Variants in TLL1 observed in about 807,000 individuals in gnomAD.
TLL1 encodes tolloid-like protein 1.
Under a neutral mutation model 128.2 loss-of-function variants are expected in TLL1, and 49 were observed. The observed-to-expected ratio is 0.38, with a 90% CI of 0.30 to 0.48. TLL1 has a LOEUF of 0.48. Among genes scored for constraint, TLL1 ranks in the 20% least tolerant of loss-of-function variants. The pLI is 0.96. For missense variants in TLL1, 1,123 were observed against 1,242.0 expected, an observed-to-expected ratio of 0.90 and a Z score of 1.44; for synonymous variants, 454 against 418.8, an observed-to-expected ratio of 1.08 and a Z score of -1.03.
intron 18 of TLL1, 41 bp from the exon 19 acceptor site, chr4:166,091,087 T>C: frequency 1.4e-6 from 2 of 1,418,836 alleles, no homozygotes; most frequent in South Asian, 1.2e-5. Context: ...TTTGAGTGAT[T>C]TGTTTTTTTT....
At chr4:166,022,103 A>G (rs1738267246) in intron 8 of TLL1, among the ~76,000 whole-genome samples, 1 of 152,118 alleles carries the variant, frequency 6.6e-6, no homozygotes, top group Admixed American at 6.5e-5. Flanking sequence ...AATAGTTTAA[A>G]TTTACCAACT....
intron 6 of TLL1, among the ~76,000 whole-genome samples, chr4:166,007,628 C>G (rs920745650): frequency 7.9e-5 from 12 of 151,456 alleles, no homozygotes; most frequent in African/African-American, 2.7e-4. Context: ...TTGTACATTA[C>G]CAAAAGTGCA....
chr4:166,081,219 T>A (rs958765721), intron 18 of TLL1, among the ~76,000 whole-genome samples: 3 of 152,116 alleles, frequency 2.0e-5, no homozygotes, highest in African/African-American at 2.4e-5. Context: ...TGTTTTTGGT[T>A]TTATTTTGTT....
chr4:165,959,086 C>G (rs539750004), intron 1 of TLL1, among the ~76,000 whole-genome samples: 2 of 149,696 alleles, frequency 1.3e-5, no homozygotes, highest in Non-Finnish European at 3.0e-5. Flanking sequence ...TGTTTTGGTA[C>G]CAGTACCATG....
chr4:165,950,628 G>A (rs973318676), intron 1 of TLL1, among the ~76,000 whole-genome samples: 3 of 151,940 alleles, frequency 2.0e-5, no homozygotes, highest in African/African-American at 7.2e-5. Flanking sequence ...CACATATTTG[G>A]AAATATTAAA....
In TLL1 at chr4:165,929,014, G is replaced by A. The variant is rs117054076; in HGVS notation, c.169+54941G>A. 2.3e-3 allele frequency among the ~76,000 whole-genome samples: 347 copies of A among 152,294 alleles called. 2 individuals are homozygous for A. In the East Asian group the frequency reaches 0.043, roughly 19 times the overall value. On this transcript the variant is annotated intron_variant, in intron 1 of 20. Transcript: ENST00000061240. ...TAATTCACAAACTCAGGAGAAGCAAGTGTCGGACCATCCCATTGAGCCCTT... is the reference window on the plus strand; with the variant it reads ...TAATTCACAAACTCAGGAGAAGCAAATGTCGGACCATCCCATTGAGCCCTT...
intron 19 of TLL1, among the ~76,000 whole-genome samples, chr4:166,098,933 A>G (rs1002881097): frequency 1.3e-5 from 2 of 152,134 alleles, no homozygotes; most frequent in Non-Finnish European, 2.9e-5. Flanking sequence ...GTAGATTCTA[A>G]GTGATTTTCA....
At chr4:165,877,672 G>A (rs965762443) in intron 1 of TLL1, among the ~76,000 whole-genome samples, 1 of 152,074 alleles carries the variant, frequency 6.6e-6, no homozygotes, top group African/African-American at 2.4e-5. Flanking sequence ...GATACCTGAT[G>A]AACTGCGTAT....
chr4:166,081,817 A>G (rs1195929222), intron 18 of TLL1, among the ~76,000 whole-genome samples: 2 of 151,590 alleles, frequency 1.3e-5, no homozygotes, highest in African/African-American at 2.4e-5. Context: ...CCAGCTTTCT[A>G]TATCCAAGGG....
rs111513371 is a variant in TLL1, at chr4:165,986,696, T to TC, written c.170-2684dup. Among the ~76,000 whole-genome samples, 499 of 152,184 alleles carry TC rather than the reference T, an allele frequency of 3.3e-3. 9 individuals are homozygous for TC. Among genetic ancestry groups the TC allele is most frequent in the African/African-American group, 0.011 (452 of 41,546 alleles). On this transcript the variant is annotated intron_variant, in intron 1 of 20. Transcript: ENST00000061240. ...AAGTATCATCTAGCCTGGTGCCCTT[T>TC]CTTCTCCCCAGAAGTAATGTTTTTG... is the stretch of plus-strand genomic sequence containing the variant.
chr4:166,067,309 G>C (rs896019225), intron 16 of TLL1, among the ~76,000 whole-genome samples: 1 of 151,688 alleles, frequency 6.6e-6, no homozygotes, highest in Non-Finnish European at 1.5e-5. Flanking sequence ...ATTAAATTTA[G>C]TTACCCAGAA....
intron 15 of TLL1, 72 bp from the exon 16 acceptor site, chr4:166,065,611 T>C (rs1302653425): frequency 5.2e-6 from 8 of 1,525,118 alleles, no homozygotes; most frequent in African/African-American, 1.4e-5. Flanking sequence ...AAATAAGATA[T>C]GTTTTTTTAA....
intron 1 of TLL1, among the ~76,000 whole-genome samples, chr4:165,981,586 C>T (rs572908954): frequency 2.0e-5 from 3 of 152,038 alleles, no homozygotes; most frequent in South Asian, 2.1e-4. Flanking sequence ...TACCAAGGAC[C>T]GTGATTTGCA....
intron 7 of TLL1, among the ~76,000 whole-genome samples, chr4:166,008,757 C>T (rs1417720213): frequency 6.6e-6 from 1 of 150,544 alleles, no homozygotes; most frequent in East Asian, 1.9e-4. Context: ...GAATTCACCC[C>T]TTTTTCCATT....
intron 1 of TLL1, among the ~76,000 whole-genome samples, chr4:165,974,507 T>G (rs1379522280): frequency 6.6e-6 from 1 of 151,984 alleles, no homozygotes; most frequent in East Asian, 1.9e-4. Context: ...ACCGAGAAGG[T>G]TATCTGGCTT....
chr4:166,073,779 T>C (rs2111135405), intron 16 of TLL1, among the ~76,000 whole-genome samples: 1 of 152,236 alleles, frequency 6.6e-6, no homozygotes, highest in Middle Eastern at 3.4e-3. Flanking sequence ...CCTTTTTCCA[T>C]GGAATGAATA....
Position 165,873,686 on chromosome 4 carries a change from A to C in TLL1, c.-219A>C. 1.9e-6 allele frequency: 1 copy of C among 536,860 alleles called. No homozygotes were observed. The highest frequency in any genetic ancestry group is 3.3e-6 in the Non-Finnish European group (1 of 300,504). The allele number at this position is 536,860 out of a possible 1,614,324, so 33.3% of individuals were successfully genotyped here. A position where few individuals can be genotyped will look rare whatever the true frequency, so the allele number is the denominator to read the frequency against. Reference sequence around the variant, plus strand: ...GCCCTCCGCCCACCCGTGGGCCCCTAGCCAACTTCTCCCTGCGACTGGGGG... The same window carrying C: ...GCCCTCCGCCCACCCGTGGGCCCCTCGCCAACTTCTCCCTGCGACTGGGGG... On this transcript the variant is annotated 5_prime_UTR_variant, in exon 1 of 21. Transcript: ENST00000061240.
At chr4:166,066,682 A>G (rs1442107122) in intron 16 of TLL1, among the ~76,000 whole-genome samples, 1 of 151,760 alleles carries the variant, frequency 6.6e-6, no homozygotes, top group Non-Finnish European at 1.5e-5. Flanking sequence ...TACAATGTCT[A>G]GGGTTTGTTT....
At chr4:166,018,308 G>A (rs1358766004) in intron 8 of TLL1, among the ~76,000 whole-genome samples, 2 of 152,058 alleles carry the variant, frequency 1.3e-5, no homozygotes, top group Admixed American at 6.6e-5. Flanking sequence ...ATTAACTCAA[G>A]ATGAATTAAA....
Sources: allele counts gnomAD v4.1 joint callset (sites outside exome capture counted in the v4.1 genomes callset), GRCh38; gene constraint gnomAD v4.1.1; transcripts MANE v1.5; gene names NCBI Gene and HGNC (gene_info 2026-07-23, HGNC 2026-07-21).